GRK5: variants seen among roughly 807,000 people sequenced by gnomAD.
GRK5 encodes G protein-coupled receptor kinase 5, also known as g protein-coupled receptor kinase GRK5.
A neutral mutation model predicts 78.4 loss-of-function variants in GRK5; 40 were observed. That is an observed-to-expected ratio of 0.51 (90% confidence interval 0.40 to 0.66). The LOEUF is 0.66. GRK5 is among the 30% of genes least tolerant of loss of function. GRK5 has a pLI of 0.00. For missense variants in GRK5, 598 were observed against 759.9 expected (o/e 0.79, Z 2.50); for synonymous variants, 289 against 296.8 (o/e 0.97, Z 0.27).
chr10:119,443,463 A>G (rs1853078510), intron 11 of GRK5, 81 bp from the exon 12 acceptor site: 8 of 1,325,884 alleles, frequency 6.0e-6, no homozygotes, highest in Non-Finnish European at 8.4e-6. Flanking sequence ...GGTGGCGGCC[A>G]TGAAACTCCA....
intron 2 of GRK5, among the ~76,000 whole-genome samples, chr10:119,329,152 A>G (rs1024383622): frequency 1.3e-5 from 2 of 152,230 alleles, no homozygotes; most frequent in Non-Finnish European, 2.9e-5. Flanking sequence ...TGAGAGCCAG[A>G]TACTGAGCAT....
At chr10:119,428,361 C>T (rs562302084) in intron 6 of GRK5, among the ~76,000 whole-genome samples, 87 of 152,362 alleles carry the variant, frequency 5.7e-4, no homozygotes, top group African/African-American at 2.0e-3. Flanking sequence ...TAGAAGCCCC[C>T]ATGTGTGCTT....
chr10:119,263,679 T>G (rs1002559699), intron 1 of GRK5, among the ~76,000 whole-genome samples: 2 of 152,204 alleles, frequency 1.3e-5, no homozygotes, highest in African/African-American at 4.8e-5. Context: ...ATCCCAGCAC[T>G]TTGGGAAGCT....
At chr10:119,225,949 C>T (rs1336333266) in intron 1 of GRK5, among the ~76,000 whole-genome samples, 5 of 150,962 alleles carry the variant, frequency 3.3e-5, no homozygotes, top group Admixed American at 1.3e-4. Flanking sequence ...CCCGGGTTCA[C>T]GCCATTCTCC....
Position 119,396,272 on chromosome 10 carries a change from G to T in GRK5, c.262-423G>T, listed in dbSNP as rs985674142. On this transcript the variant is annotated intron_variant, in intron 3 of 15. Coordinates refer to ENST00000392870, the MANE Select transcript of GRK5 (RefSeq NM_005308.3). Reference sequence around the variant, plus strand: ...CTGAGTGACCTAAGGCAGCTTCTCGGCAGCCTTCCAGTCTGGTGGGCTGTT... The same window carrying T: ...CTGAGTGACCTAAGGCAGCTTCTCGTCAGCCTTCCAGTCTGGTGGGCTGTT... Among the ~76,000 whole-genome samples the T allele has an allele frequency of 3.3e-5, 5 of 152,244 alleles. No individual in the cohort carries two copies. In the East Asian group the frequency reaches 7.7e-4, roughly 23 times the overall value.
At position 119,380,939 on chromosome 10, in the gene GRK5, C is replaced by T; in HGVS notation, c.261+12C>T. On this transcript the variant is annotated intron_variant, in intron 3 of 15. Coordinates refer to ENST00000392870, the MANE Select transcript of GRK5 (RefSeq NM_005308.3). ...TCCTGGACTCCGTGGTAAGTTCCTGCTCCTGAGGGATGGTCCTGTGGTCCT... is the reference window on the plus strand; with the variant it reads ...TCCTGGACTCCGTGGTAAGTTCCTGTTCCTGAGGGATGGTCCTGTGGTCCT... 1.3e-6 allele frequency: 2 copies of T among 1,503,962 alleles called. No individual in the cohort carries two copies. The highest frequency in any genetic ancestry group is 2.3e-5 in the East Asian group (1 of 44,078). The allele number at this position is 1,503,962 out of a possible 1,614,324, so 93.2% of individuals were successfully genotyped here.
intron 1 of GRK5, among the ~76,000 whole-genome samples, chr10:119,211,217 T>C (rs1848481382): frequency 6.6e-6 from 1 of 152,166 alleles, no homozygotes; most frequent in African/African-American, 2.4e-5. Context: ...ATTGCTCTCC[T>C]AAAAAGTGCT....
intron 4 of GRK5, among the ~76,000 whole-genome samples, chr10:119,420,546 CTTTTTTCTT>C (rs1233876974): frequency 1.3e-5 from 2 of 150,634 alleles, no homozygotes; most frequent in Non-Finnish European, 3.0e-5. Context: ...AGCTCCATCT[CTTTTTTCTT>C]TTTTTTCTTT....
At chr10:119,208,069 C>A (rs888178611) in intron 1 of GRK5, 100 bp downstream of exon 1, 2 of 1,124,952 alleles carry the variant, frequency 1.8e-6, no homozygotes, top group African/African-American at 1.6e-5. Flanking sequence ...GCAGGATGCC[C>A]GCTGCCGGCG....
chr10:119,376,924 A>G (rs930881610), intron 2 of GRK5, among the ~76,000 whole-genome samples: 10 of 152,188 alleles, frequency 6.6e-5, no homozygotes, highest in Admixed American at 2.0e-4. Flanking sequence ...GAAAAGATCA[A>G]TGAGGCACAT....
chr10:119,425,289 ACACAC>A (rs1174646329), intron 6 of GRK5, among the ~76,000 whole-genome samples: 3 of 136,526 alleles, frequency 2.2e-5, no homozygotes, highest in Non-Finnish European at 5.0e-5. Context: ...ACACACACAC[ACACAC>A]ACAAACACAC....
intron 3 of GRK5, among the ~76,000 whole-genome samples, chr10:119,394,302 C>CCATGTGTCTG (rs1851966755): frequency 5.0e-4 from 19 of 37,644 alleles, no homozygotes; most frequent in South Asian, 2.5e-3. Context: ...ATCTGTGTGT[C>CCATGTGTCTG]TGTGTGGGCA....
At chr10:119,314,607 C>T (rs866027205) in intron 1 of GRK5, among the ~76,000 whole-genome samples, 3 of 152,228 alleles carry the variant, frequency 2.0e-5, no homozygotes, top group South Asian at 2.1e-4. Flanking sequence ...CCTGATGCTT[C>T]CTGCCCCAGG....
chr10:119,381,691 A>G (rs1362356366), intron 3 of GRK5, among the ~76,000 whole-genome samples: 1 of 152,150 alleles, frequency 6.6e-6, no homozygotes, highest in Non-Finnish European at 1.5e-5. Flanking sequence ...AGGAAGGAGG[A>G]CAAGAGGGAA....
At position 119,217,198 on chromosome 10, in the gene GRK5, C is replaced by T. The variant is rs550123521; in HGVS notation, c.52+9229C>T. 2.6e-5 allele frequency among the ~76,000 whole-genome samples: 4 copies of T among 152,060 alleles called. No individual in the cohort carries two copies. The highest frequency in any genetic ancestry group is 9.6e-5 in the African/African-American group (4 of 41,452). Reference sequence around the variant, plus strand: ...AGAAAGAGTGTCTTTGTCAGATTCCCTGGGAAAAGGGGCAAATTGGGAATA... The same window carrying T: ...AGAAAGAGTGTCTTTGTCAGATTCCTTGGGAAAAGGGGCAAATTGGGAATA... On this transcript the variant is annotated intron_variant, in intron 1 of 15. Transcript: ENST00000392870. This position sits in a 1 kb window ranked among gnomAD's most constrained non-coding sequence, Gnocchi z 4.1.
intron 2 of GRK5, among the ~76,000 whole-genome samples, chr10:119,337,616 C>G (rs541843026): frequency 3.3e-5 from 5 of 152,038 alleles, no homozygotes; most frequent in Non-Finnish European, 5.9e-5. Flanking sequence ...GTTTCCCCCC[C>G]ACTTTTTTCT....
chr10:119,340,197 ACT>A (rs1266880632), intron 2 of GRK5, among the ~76,000 whole-genome samples: 1 of 151,988 alleles, frequency 6.6e-6, no homozygotes, highest in African/African-American at 2.4e-5. Flanking sequence ...ATGCAGTCTC[ACT>A]CACTGCAACC....
chr10:119,306,829 G>A (rs145285811), intron 1 of GRK5, among the ~76,000 whole-genome samples: 41 of 152,192 alleles, frequency 2.7e-4, no homozygotes, highest in African/African-American at 7.7e-4. Flanking sequence ...GTCCTCTAGC[G>A]TCTACTGGGT....
chr10:119,332,130 A>C (rs1470262967), intron 2 of GRK5, among the ~76,000 whole-genome samples: 1 of 142,776 alleles, frequency 7.0e-6, no homozygotes, highest in Non-Finnish European at 1.5e-5. Context: ...TTTTTGCCTC[A>C]GAGTTTGACT....
Sources: gnomAD v4.1 joint callset for allele counts (sites outside exome capture counted in the v4.1 genomes callset) on GRCh38, gnomAD v4.1.1 for gene constraint, Gnocchi (gnomAD v3.1) non-coding constraint, MANE v1.5 for transcripts, NCBI Gene and HGNC (gene_info 2026-07-23, HGNC 2026-07-21) for gene names.